WDFY4: variants seen among roughly 807,000 people sequenced by gnomAD.
The protein encoded by WDFY4 is WD repeat- and FYVE domain-containing protein 4.
A neutral mutation model predicts 351.9 loss-of-function variants in WDFY4; 169 were observed. The ratio of observed to expected loss-of-function variants is 0.48; its 90% CI spans 0.42 to 0.55. The LOEUF (loss-of-function observed/expected upper bound fraction) is 0.55. Among genes scored for constraint, WDFY4 ranks in the 20% least tolerant of loss-of-function variants. The pLI is 0.00. For missense variants in WDFY4, 3,803 were observed against 3,935.6 expected (o/e 0.97, Z 0.90); for synonymous variants, 1,622 against 1,574.6 (o/e 1.03, Z -0.71).
intron 13 of WDFY4, among the ~76,000 whole-genome samples, chr10:48,763,829 G>A (rs549219789): frequency 6.6e-6 from 1 of 152,328 alleles, no homozygotes; most frequent in East Asian, 1.9e-4. Context: ...TGCCAAATCA[G>A]CAGCTATTAA....
At chr10:48,795,334 G>A (rs1222632545) in intron 23 of WDFY4, among the ~76,000 whole-genome samples, 3 of 151,656 alleles carry the variant, frequency 2.0e-5, no homozygotes, top group East Asian at 3.9e-4. Context: ...TAGCTTATTA[G>A]AAGGACAGAG....
intron 13 of WDFY4, among the ~76,000 whole-genome samples, chr10:48,767,957 C>T (rs527982903): frequency 2.6e-5 from 4 of 152,266 alleles, no homozygotes; most frequent in South Asian, 2.1e-4. Flanking sequence ...CAGGCAGGCT[C>T]TCTACAGATG....
Position 48,974,516 on chromosome 10 carries a change from A to AAAAAAAAAAAAAAAAAAC in WDFY4, c.8929-333_8929-332insAAAACAAAAAAAAAAAAA, listed in dbSNP as rs1554824248. On this transcript the variant is annotated intron_variant, in intron 57 of 61. Transcript: ENST00000325239. ...AGACTCCGTCTCAAAAAAAAAAAAAAAAAAAAAAAAAAACAACTCATGACA... is the reference window on the plus strand; with the variant it reads ...AGACTCCGTCTCAAAAAAAAAAAAAAAAAAAAAAAAAAAAAAACAAAAAAAAAAAAACAACTCATGACA... Among the ~76,000 whole-genome samples, 127 of 16,318 alleles carry AAAAAAAAAAAAAAAAAAC rather than the reference A, an allele frequency of 7.8e-3. 21 individuals carry two copies. The highest frequency in any genetic ancestry group is 0.034 in the Non-Finnish European group (81 of 2,376). 10.7% of individuals were successfully genotyped at this position (16,318 alleles called of 152,430 possible). A position where few individuals can be genotyped will look rare whatever the true frequency, so the allele number is the denominator to read the frequency against.
intron 43 of WDFY4, chr10:48,884,014 C>T (rs1365848999): frequency 1.3e-5 from 2 of 152,196 alleles, no homozygotes; most frequent in African/African-American, 2.4e-5. Flanking sequence ...CCAGTTACCA[C>T]GTGGCTGGGG....
intron 47 of WDFY4, among the ~76,000 whole-genome samples, chr10:48,930,815 G>A (rs1839950199): frequency 6.6e-6 from 1 of 151,948 alleles, no homozygotes; most frequent in Non-Finnish European, 1.5e-5. Context: ...TCCCAAAAAT[G>A]TCAAAAGGCA....
chr10:48,936,696 G>A (rs900312400), intron 47 of WDFY4, among the ~76,000 whole-genome samples: 1 of 151,532 alleles, frequency 6.6e-6, no homozygotes, highest in African/African-American at 2.4e-5. Context: ...ACATTAGTTG[G>A]GCATTGTGGC....
At position 48,790,711 on chromosome 10, in the gene WDFY4, A is replaced by T; in HGVS notation, c.4067-16A>T. On this transcript the variant is annotated splice_polypyrimidine_tract_variant and intron_variant, in intron 22 of 61. Coordinates refer to ENST00000325239, the MANE Select transcript of WDFY4 (RefSeq NM_001394531.1). ...GCTGTGACATGTTGATGAAATGCCCACTTTATGCCACACAGGGGTGAGGGT... is the reference window on the plus strand; with the variant it reads ...GCTGTGACATGTTGATGAAATGCCCTCTTTATGCCACACAGGGGTGAGGGT... The T allele has an allele frequency of 6.5e-7, 1 of 1,548,844 alleles. No individual in the cohort carries two copies. Among genetic ancestry groups the T allele is most frequent in the Non-Finnish European group, 8.7e-7 (1 of 1,145,070 alleles).
intron 13 of WDFY4, among the ~76,000 whole-genome samples, chr10:48,766,525 T>C (rs1364706958): frequency 6.6e-6 from 1 of 152,164 alleles, no homozygotes; most frequent in Admixed American, 6.5e-5. Flanking sequence ...AGGAGGTTGA[T>C]GCTGCAGTGA....
At chr10:48,831,001 C>A in intron 38 of WDFY4, 116 bp downstream of exon 38, 1 of 972,346 alleles carries the variant, frequency 1.0e-6, no homozygotes, top group Non-Finnish European at 1.5e-6. Flanking sequence ...TGTCTCATCC[C>A]TTAAGTGGAT....
rs1565198416 is a variant in WDFY4 at position 48,787,892 on chromosome 10, TCCTTCTTCTTCTTCTTCTTC to T, written c.3809-637_3809-618del. Among the ~76,000 whole-genome samples, 287 of 72,274 alleles carry T rather than the reference TCCTTCTTCTTCTTCTTCTTC, an allele frequency of 4.0e-3. 3 individuals are homozygous for T. Among genetic ancestry groups the T allele is most frequent in the Middle Eastern group, 0.02 (3 of 152 alleles). 47.4% of individuals were successfully genotyped at this position (72,274 alleles called of 152,430 possible). On this transcript the variant is annotated intron_variant, in intron 20 of 61. Coordinates refer to ENST00000325239, the MANE Select transcript of WDFY4 (RefSeq NM_001394531.1). ...CTTTCTTCTTTCTTTCTTCTTCTTC[TCCTTCTTCTTCTTCTTCTTC>T]TTCTTCTTCTTCTTCTTCTTCTTCT... is the stretch of plus-strand genomic sequence containing the variant.
At chr10:48,700,985 T>C (rs1001130652) in intron 1 of WDFY4, among the ~76,000 whole-genome samples, 1 of 152,160 alleles carries the variant, frequency 6.6e-6, no homozygotes, top group African/African-American at 2.4e-5. Flanking sequence ...TGGCATTGAG[T>C]ATATTCACGT....
At chr10:48,718,611 G>A (rs957685242) in intron 2 of WDFY4, among the ~76,000 whole-genome samples, 1 of 152,180 alleles carries the variant, frequency 6.6e-6, no homozygotes, top group Non-Finnish European at 1.5e-5. Flanking sequence ...CCTTCCTGGT[G>A]GGAACTAGGC....
chr10:48,979,822 C>T (rs1177763257), intron 60 of WDFY4: 1 of 152,240 alleles, frequency 6.6e-6, no homozygotes, highest in Non-Finnish European at 1.5e-5. Flanking sequence ...AAACAAGGTT[C>T]TAGACCCAAC....
At chr10:48,843,790 TG>T (rs2068684390) in intron 39 of WDFY4, among the ~76,000 whole-genome samples, 1 of 152,180 alleles carries the variant, frequency 6.6e-6, no homozygotes, top group Non-Finnish European at 1.5e-5. Flanking sequence ...GAGTAGTGGT[TG>T]GGGGGAAAGG....
chr10:48,702,717 T>G (rs991147103), intron 1 of WDFY4, among the ~76,000 whole-genome samples: 4 of 152,216 alleles, frequency 2.6e-5, no homozygotes, highest in African/African-American at 9.6e-5. Flanking sequence ...TATAGGTTTT[T>G]GTAGGAGCAT....
At position 48,752,328 on chromosome 10, in the gene WDFY4, T is replaced by C. The variant is rs549333595; in HGVS notation, c.2460-8019T>C. 4.6e-4 allele frequency among the ~76,000 whole-genome samples: 70 copies of C among 152,372 alleles called. No individual in the cohort carries two copies. In the South Asian group the frequency reaches 0.014, roughly 31 times the overall value. ...GTCCTCTTATTATGTGTAAGCACAT[T>C]AAAGTTTGAGAACTGCTCCAGGTGC... On this transcript the variant is annotated intron_variant, in intron 12 of 61. Transcript: ENST00000325239.
chr10:48,878,936 G>C (rs1001653307), intron 43 of WDFY4, among the ~76,000 whole-genome samples: 14 of 152,170 alleles, frequency 9.2e-5, no homozygotes, highest in Non-Finnish European at 1.9e-4. Flanking sequence ...TTTGATAATG[G>C]AAGTATCATA....
intron 2 of WDFY4, among the ~76,000 whole-genome samples, chr10:48,715,167 G>A (rs1291812515): frequency 1.3e-5 from 2 of 152,238 alleles, no homozygotes; most frequent in Non-Finnish European, 2.9e-5. Context: ...AGCCCTGTGA[G>A]CACACCCACA....
At chr10:48,803,227 C>T in intron 24 of WDFY4, 59 bp from the exon 25 acceptor site, 2 of 1,522,932 alleles carry the variant, frequency 1.3e-6, no homozygotes, top group Non-Finnish European at 1.8e-6. Flanking sequence ...CTCATGCTTC[C>T]TGCAAATCAT....
Sources: gnomAD v4.1 joint callset for allele counts (sites outside exome capture counted in the v4.1 genomes callset) on GRCh38, gnomAD v4.1.1 for gene constraint, MANE v1.5 for transcripts, NCBI Gene and HGNC (gene_info 2026-07-23, HGNC 2026-07-21) for gene names.